EGFL8: variants seen among roughly 807,000 people sequenced by gnomAD.
EGFL8 encodes the protein EGF like domain multiple 8, also known as epidermal growth factor-like protein 8.
Under a neutral mutation model 39.4 loss-of-function variants are expected in EGFL8, and 32 were observed. That is an observed-to-expected ratio of 0.81 (90% CI 0.61 to 1.09). The LOEUF (loss-of-function observed/expected upper bound fraction) is 1.09, where lower values mean the gene tolerates loss of function less well. Among genes scored for constraint, EGFL8 ranks in the 50% least tolerant of loss-of-function variants. The probability of loss-of-function intolerance (pLI) is 0.00; values close to 1 mark genes in which losing one functional copy is unlikely to be tolerated. For missense variants in EGFL8, 385 were observed against 402.2 expected (o/e 0.96, Z 0.37); for synonymous variants, 177 against 168.5 (o/e 1.05, Z -0.39).
In EGFL8 at chr6:32,167,566, C is replaced by T. The variant is rs1784646788; in HGVS notation, c.745C>T (p.Pro249Ser). Residue 249 changes from proline to serine, a missense_variant, in exon 8 of 9, where the codon CCA becomes TCA. Coordinates refer to ENST00000333845, the MANE Select transcript of EGFL8 (RefSeq NM_030652.4). The surrounding 1 kb of genome is among the most constrained non-coding windows in gnomAD (Gnocchi z 6.4). The stretch of plus-strand genomic sequence containing the variant: ...GCCCGTGCCGCCTGAAGAGCTGCAG[C>T]CAGAACAGGTGGCTGAGCTGTGGGG... ...VLPVPPEELQ[P>S]EQVAELWGRG... 1 of 1,610,256 alleles carries T rather than the reference C, an allele frequency of 6.2e-7. No homozygotes were observed.
rs1045677126 is a variant in EGFL8, at chr6:32,166,399, C to T, written c.102-99C>T. The T allele has an allele frequency of 3.8e-6, 6 of 1,596,632 alleles. No individual in the cohort carries two copies. In the African/African-American group the frequency reaches 6.7e-5, roughly 18 times the overall value. On this transcript the variant is annotated intron_variant, in intron 2 of 8. Transcript: ENST00000333845. This position sits in a 1 kb window ranked among gnomAD's most constrained non-coding sequence, Gnocchi z 7.3. ...GAGAGGCTGTCATCTGGAGGGAGAG[C>T]GGGGGGCCTCAGTAGCCTCTTGAGG...
rs1464914512 is a variant in EGFL8, at chr6:32,167,651, G to A, written c.830G>A (p.Gly277Asp). ...DQVLLLEERLGACSCEDNSLG... is the reference protein window; with the variant it reads ...DQVLLLEERLDACSCEDNSLG... ...GTGCTGCTGCTGGAGGAGAGGCTAG[G>A]TGCCTGTGAGTCCTCACACTCCTCC... The change falls in exon 8 of 9, where the codon GGT becomes GAT. Residue 277 changes from glycine (G) to aspartate (D), a missense_variant. Coordinates refer to ENST00000333845, the MANE Select transcript of EGFL8 (RefSeq NM_030652.4). The surrounding 1 kb of genome is among the most constrained non-coding windows in gnomAD (Gnocchi z 6.4). 6.2e-7 allele frequency: 1 copy of A among 1,605,138 alleles called. No homozygotes were observed. The highest frequency in any genetic ancestry group is 8.5e-7 in the Non-Finnish European group (1 of 1,176,932).
At position 32,166,941 on chromosome 6, in the gene EGFL8, C is replaced by T. The variant is rs1432352844; in HGVS notation, c.366C>T (p.Gly122=). Residue 122 remains glycine, a synonymous_variant, in exon 5 of 9, where the codon GGC becomes GGT. Coordinates refer to ENST00000333845, the MANE Select transcript of EGFL8 (RefSeq NM_030652.4). This position sits in a 1 kb window ranked among gnomAD's most constrained non-coding sequence, Gnocchi z 7.3. The part of the protein sequence containing the change: ...AICAKPCLNG[G]VCVRPDQCEC... ...GCGCCAAGCCTTGCCTGAACGGAGG[C>T]GTCTGCGTTAGGCCTGACCAGTGCG... 6.2e-6 allele frequency: 10 copies of T among 1,612,606 alleles called. No individual in the cohort carries two copies. The highest frequency in any genetic ancestry group is 2.7e-5 in the African/African-American group (2 of 74,932).
In EGFL8 at chr6:32,165,798, C is replaced by CA. The variant is rs377453238; in HGVS notation, c.-28-331dup. 6.1e-3 allele frequency: 2,206 copies of CA among 362,248 alleles called. 16 individuals carry two copies. Among genetic ancestry groups the CA allele is most frequent in the African/African-American group, 0.027 (1,306 of 48,668 alleles). 22.4% of individuals were successfully genotyped at this position (362,248 alleles called of 1,614,324 possible). A position where few individuals can be genotyped will look rare whatever the true frequency, so the allele number is the denominator to read the frequency against. On this transcript the variant is annotated intron_variant, in intron 1 of 8. Coordinates refer to ENST00000333845, the MANE Select transcript of EGFL8 (RefSeq NM_030652.4). ...CGAAACTCCTTCTCAAAAACAAAAACAAAAAAAAACCCAAAAAAAGACAGG... is the reference window on the plus strand; with the variant it reads ...CGAAACTCCTTCTCAAAAACAAAAACAAAAAAAAAACCCAAAAAAAGACAGG...
In EGFL8 at chr6:32,168,250, C is replaced by G; in HGVS notation, c.*294C>G. Reference sequence around the variant, plus strand: ...TTATTTTCAGTTTTTTTGCTGTTATCCAGATAATTAATAAAAACCAACCAC... The same window carrying G: ...TTATTTTCAGTTTTTTTGCTGTTATGCAGATAATTAATAAAAACCAACCAC... On this transcript the variant is annotated 3_prime_UTR_variant, in exon 9 of 9. Coordinates refer to ENST00000333845, the MANE Select transcript of EGFL8 (RefSeq NM_030652.4). The surrounding 1 kb of genome is among the most constrained non-coding windows in gnomAD (Gnocchi z 4.5). 1 of 430,836 alleles carries G rather than the reference C, an allele frequency of 2.3e-6. No homozygotes were observed. Among genetic ancestry groups the G allele is most frequent in the East Asian group, 3.6e-5 (1 of 27,752 alleles). The allele number at this position is 430,836 out of a possible 1,614,324, so 26.7% of individuals were successfully genotyped here.
In EGFL8 at chr6:32,166,590, G is replaced by C; in HGVS notation, c.194G>C (p.Cys65Ser). The C allele has an allele frequency of 6.2e-7, 1 of 1,614,188 alleles. No homozygotes were observed. Among genetic ancestry groups the C allele is most frequent in the Non-Finnish European group, 8.5e-7 (1 of 1,180,024 alleles). ...GTGTACAAGCCCTACCTGACCTTGTGCGCTGGGAGGCGCATCTGCAGCACT... is the reference window on the plus strand; with the variant it reads ...GTGTACAAGCCCTACCTGACCTTGTCCGCTGGGAGGCGCATCTGCAGCACT... ...QPVYKPYLTL[C>S]AGRRICSTYR... The change falls in exon 3 of 9, where the codon TGC becomes TCC. Residue 65 changes from cysteine (C) to serine (S), a missense_variant. Cys to Ser is a moderately radical substitution (Grantham distance 112). Transcript: ENST00000333845. The surrounding 1 kb of genome is among the most constrained non-coding windows in gnomAD (Gnocchi z 7.3).
At position 32,167,280 on chromosome 6, in the gene EGFL8, CACCCGAGGGACTCG is replaced by C. The variant is rs544357117; in HGVS notation, c.601+24_601+37del. On this transcript the variant is annotated intron_variant, in intron 6 of 8. Coordinates refer to ENST00000333845, the MANE Select transcript of EGFL8 (RefSeq NM_030652.4). This position sits in a 1 kb window ranked among gnomAD's most constrained non-coding sequence, Gnocchi z 6.4. ...CCGGTGAGTGGGCAGGAGTACGGGC[CACCCGAGGGACTCG>C]GGACGGGCGTCCGGGCTCGGGTAGT... 4.0e-4 allele frequency: 567 copies of C among 1,431,870 alleles called. 4 individuals are homozygous for C. In the African/African-American group the frequency reaches 5.7e-3, roughly 14 times the overall value. 88.7% of individuals were successfully genotyped at this position (1,431,870 alleles called of 1,614,324 possible). A position where few individuals can be genotyped will look rare whatever the true frequency, so the allele number is the denominator to read the frequency against.
At position 32,166,160 on chromosome 6, in the gene EGFL8, C is replaced by A; in HGVS notation, c.-6C>A. 2 of 1,614,040 alleles carry A rather than the reference C, an allele frequency of 1.2e-6. No homozygotes were observed. Among genetic ancestry groups the A allele is most frequent in the South Asian group, 2.2e-5 (2 of 91,074 alleles). ...CAGCCTGTAGGGTCCAGCGTCAAAG[C>A]GAATCATGGGGTCCAGGGCTGAGCT... On this transcript the variant is annotated 5_prime_UTR_variant, in exon 2 of 9. Coordinates refer to ENST00000333845, the MANE Select transcript of EGFL8 (RefSeq NM_030652.4). The surrounding 1 kb of genome is among the most constrained non-coding windows in gnomAD (Gnocchi z 7.3).
rs1784709702 is a variant in EGFL8, at chr6:32,168,083, T to C, written c.*127T>C. The C allele has an allele frequency of 2.0e-6, 2 of 1,001,324 alleles. No individual in the cohort carries two copies. The highest frequency in any genetic ancestry group is 3.1e-6 in the Non-Finnish European group (2 of 649,904). The allele number at this position is 1,001,324 out of a possible 1,614,324, so 62.0% of individuals were successfully genotyped here. On this transcript the variant is annotated 3_prime_UTR_variant, in exon 9 of 9. Coordinates refer to ENST00000333845, the MANE Select transcript of EGFL8 (RefSeq NM_030652.4). This position sits in a 1 kb window ranked among gnomAD's most constrained non-coding sequence, Gnocchi z 4.5. Reference sequence around the variant, plus strand: ...CCAAAGAGCAATGAACAATGGAAACTTCAGAGAGCTGAAGAAAGGGGGAGG... The same window carrying C: ...CCAAAGAGCAATGAACAATGGAAACCTCAGAGAGCTGAAGAAAGGGGGAGG...
Position 32,167,169 on chromosome 6 carries a change from C to T in EGFL8, c.513C>T (p.Pro171=). The T allele has an allele frequency of 1.2e-6, 2 of 1,613,104 alleles. No homozygotes were observed. The highest frequency in any genetic ancestry group is 1.7e-6 in the Non-Finnish European group (2 of 1,180,052). ...CAGGCAGCTTCACCTGCGGCTGCCC[C>T]CATGACCTAGTGCTAGGCGTGGACG... The part of the protein sequence containing the change: ...NTAGSFTCGC[P]HDLVLGVDGR... Residue 171 remains proline, a synonymous_variant, in exon 6 of 9, where the codon CCC becomes CCT. Coordinates refer to ENST00000333845, the MANE Select transcript of EGFL8 (RefSeq NM_030652.4). The surrounding 1 kb of genome is among the most constrained non-coding windows in gnomAD (Gnocchi z 6.4).
Position 32,166,325 on chromosome 6 carries a change from G to T in EGFL8, c.101+59G>T. 1 of 1,600,274 alleles carries T rather than the reference G, an allele frequency of 6.2e-7. No individual in the cohort carries two copies. ...TCTTCTCAGGAGCCTTCTGCTGGGGGTGGGGCTTCACAGGAGGCAAAACAT... is the reference window on the plus strand; with the variant it reads ...TCTTCTCAGGAGCCTTCTGCTGGGGTTGGGGCTTCACAGGAGGCAAAACAT... On this transcript the variant is annotated intron_variant, in intron 2 of 8. Coordinates refer to ENST00000333845, the MANE Select transcript of EGFL8 (RefSeq NM_030652.4). The surrounding 1 kb of genome is among the most constrained non-coding windows in gnomAD (Gnocchi z 7.3).
rs1220352471 is a variant in EGFL8 at position 32,166,966 on chromosome 6, G to A, written c.391G>A (p.Glu131Lys). The A allele has an allele frequency of 1.2e-6, 2 of 1,613,232 alleles. No homozygotes were observed. The highest frequency in any genetic ancestry group is 1.7e-5 in the Admixed American group (1 of 60,022). The change falls in exon 5 of 9, where the codon GAG becomes AAG. Residue 131 changes from glutamate (E) to lysine (K), a missense_variant. By Grantham distance (56) the Glu-to-Lys change is moderately conservative (BLOSUM62 1). Coordinates refer to ENST00000333845, the MANE Select transcript of EGFL8 (RefSeq NM_030652.4). This position sits in a 1 kb window ranked among gnomAD's most constrained non-coding sequence, Gnocchi z 7.3. ...CGTCTGCGTTAGGCCTGACCAGTGCGAGTGCGCCCCCGGCTGGGGAGGGAA... is the reference window on the plus strand; with the variant it reads ...CGTCTGCGTTAGGCCTGACCAGTGCAAGTGCGCCCCCGGCTGGGGAGGGAA... Reference protein sequence around the residue: ...GGVCVRPDQCECAPGWGGKHC... With the variant: ...GGVCVRPDQCKCAPGWGGKHC...
In EGFL8 at chr6:32,164,791, C is replaced by G. The variant is rs550825693; in HGVS notation, c.-29+134C>G. 1 of 632,648 alleles carries G rather than the reference C, an allele frequency of 1.6e-6. No homozygotes were observed. Among genetic ancestry groups the G allele is most frequent in the Non-Finnish European group, 2.9e-6 (1 of 342,314 alleles). 39.2% of individuals were successfully genotyped at this position (632,648 alleles called of 1,614,324 possible). A position where few individuals can be genotyped will look rare whatever the true frequency, so the allele number is the denominator to read the frequency against. ...TGGAGCAAGGGATGTGCATTTAGGG[C>G]GTTATGTGACGGTGTGGGTATATGA... On this transcript the variant is annotated intron_variant, in intron 1 of 8. Transcript: ENST00000333845. The surrounding 1 kb of genome is among the most constrained non-coding windows in gnomAD (Gnocchi z 5.4).
In EGFL8 at chr6:32,164,827, AGT is replaced by A. The variant is rs1228842864; in HGVS notation, c.-29+176_-29+177del. On this transcript the variant is annotated intron_variant, in intron 1 of 8. Coordinates refer to ENST00000333845, the MANE Select transcript of EGFL8 (RefSeq NM_030652.4). The surrounding 1 kb of genome is among the most constrained non-coding windows in gnomAD (Gnocchi z 5.4). The stretch of plus-strand genomic sequence containing the variant: ...GGTGTGGGTATATGAGGGGAGTAGC[AGT>A]GTGTGAAAGGTGTGGAGTTTCCAGG... 10 of 610,630 alleles carry A rather than the reference AGT, an allele frequency of 1.6e-5. No individual in the cohort carries two copies. Among genetic ancestry groups the A allele is most frequent in the Middle Eastern group, 6.1e-4 (2 of 3,272 alleles). 37.8% of individuals were successfully genotyped at this position (610,630 alleles called of 1,614,324 possible).
chr6:32,167,704 C>T lies in EGFL8; in HGVS notation c.835+48C>T, dbSNP rs375940264. The T allele has an allele frequency of 1.9e-6, 3 of 1,569,820 alleles. No individual in the cohort carries two copies. In the African/African-American group the frequency reaches 4.0e-5, roughly 21 times the overall value. On this transcript the variant is annotated intron_variant, in intron 8 of 8. Coordinates refer to ENST00000333845, the MANE Select transcript of EGFL8 (RefSeq NM_030652.4). This position sits in a 1 kb window ranked among gnomAD's most constrained non-coding sequence, Gnocchi z 6.4. Reference sequence around the variant, plus strand: ...CCTTGACTTCTATTCCCCAACTTTCCCCAAGACCCCTCTCCATTCAGGCAT... The same window carrying T: ...CCTTGACTTCTATTCCCCAACTTTCTCCAAGACCCCTCTCCATTCAGGCAT...
Position 32,167,435 on chromosome 6 carries a change from C to A in EGFL8, c.681+6C>A. ...GCCTGGAGCGGCTGGAGCAGGTGAG[C>A]CAAGCCTGCTGGGTGGGGCGAGGCC... On this transcript the variant is annotated splice_donor_region_variant and intron_variant, in intron 7 of 8. Transcript: ENST00000333845. This position sits in a 1 kb window ranked among gnomAD's most constrained non-coding sequence, Gnocchi z 6.4. 2 of 1,612,728 alleles carry A rather than the reference C, an allele frequency of 1.2e-6. No individual in the cohort carries two copies. The highest frequency in any genetic ancestry group is 1.1e-5 in the South Asian group (1 of 91,082).
chr6:32,167,391 A>G lies in EGFL8; in HGVS notation c.643A>G (p.Ile215Val). ...EKDERALKQE[I>V]HELRGRLERL... ...AGATGAGCGCGCTCTGAAGCAGGAG[A>G]TTCACGAGCTGCGAGGGCGCCTGGA... Residue 215 changes from isoleucine (I) to valine (V), a missense_variant, in exon 7 of 9, where the codon ATT becomes GTT. Coordinates refer to ENST00000333845, the MANE Select transcript of EGFL8 (RefSeq NM_030652.4). This position sits in a 1 kb window ranked among gnomAD's most constrained non-coding sequence, Gnocchi z 6.4. 1.2e-6 allele frequency: 2 copies of G among 1,613,026 alleles called. No individual in the cohort carries two copies. The highest frequency in any genetic ancestry group is 1.7e-6 in the Non-Finnish European group (2 of 1,180,014).
Position 32,167,703 on chromosome 6 carries a change from C to T in EGFL8, c.835+47C>T, listed in dbSNP as rs1201193908. ...GCCTTGACTTCTATTCCCCAACTTT[C>T]CCCAAGACCCCTCTCCATTCAGGCA... On this transcript the variant is annotated intron_variant, in intron 8 of 8. Coordinates refer to ENST00000333845, the MANE Select transcript of EGFL8 (RefSeq NM_030652.4). The surrounding 1 kb of genome is among the most constrained non-coding windows in gnomAD (Gnocchi z 6.4). The T allele has an allele frequency of 8.3e-6, 13 of 1,569,790 alleles. No individual in the cohort carries two copies. The Admixed American group carries it at 2.1e-4, about 25-fold the overall frequency.
chr6:32,166,663 C>T lies in EGFL8; in HGVS notation c.225-38C>T, dbSNP rs768844994. On this transcript the variant is annotated intron_variant, in intron 3 of 8. Transcript: ENST00000333845. This position sits in a 1 kb window ranked among gnomAD's most constrained non-coding sequence, Gnocchi z 7.3. ...GGGACCCCAAGAACCCCAACTAGGA[C>T]CCGTACTCAGGGTCCTGAGCCGGGC... 1.9e-6 allele frequency: 3 copies of T among 1,614,124 alleles called. No homozygotes were observed. The highest frequency in any genetic ancestry group is 2.5e-6 in the Non-Finnish European group (3 of 1,179,978).
Sources: gnomAD v4.1 joint callset for allele counts on GRCh38, gnomAD v4.1.1 for gene constraint, Gnocchi (gnomAD v3.1) non-coding constraint, MANE v1.5 for transcripts, NCBI Gene and HGNC (gene_info 2026-07-23, HGNC 2026-07-21) for gene names.